The following ZBTB20 variants were observed in gnomAD, a reference collection of about 807,000 sequenced individuals.
ZBTB20 encodes zinc finger and BTB domain-containing protein 20.
Under a neutral mutation model 56.9 loss-of-function variants are expected in ZBTB20, and 9 were observed. That is an observed-to-expected ratio of 0.16 (90% CI 0.10 to 0.28). The LOEUF (loss-of-function observed/expected upper bound fraction) is 0.28, where lower values mean the gene tolerates loss of function less well. Ranked by LOEUF, ZBTB20 falls within the 10% of genes least tolerant of loss-of-function variation. The probability of loss-of-function intolerance (pLI) is 1.00; values close to 1 mark genes in which losing one functional copy is unlikely to be tolerated. For synonymous variants in ZBTB20, 417 were observed against 420.7 expected, an observed-to-expected ratio of 0.99 and a Z score of 0.11; for missense variants, 655 against 1,003.0, an observed-to-expected ratio of 0.65 and a Z score of 4.69.
chr3:114,860,112 T>A (rs2075448872), intron 4 of ZBTB20, among the ~76,000 whole-genome samples: 1 of 151,992 alleles, frequency 6.6e-6, no homozygotes, highest in Non-Finnish European at 1.5e-5. Flanking sequence ...ATCAAGACCA[T>A]CCTGGCCAAC....
At chr3:114,545,829 G>A (rs534564828) in intron 6 of ZBTB20, among the ~76,000 whole-genome samples, 21 of 152,126 alleles carry the variant, frequency 1.4e-4, no homozygotes, top group Non-Finnish European at 2.6e-4. Flanking sequence ...CAGAGACAGA[G>A]TCCTTTTGGA....
At chr3:114,770,659 T>TA (rs1237292967) in intron 5 of ZBTB20, among the ~76,000 whole-genome samples, 2 of 152,220 alleles carry the variant, frequency 1.3e-5, no homozygotes, top group African/African-American at 4.8e-5. Flanking sequence ...TTCTTATCTG[T>TA]ATGTTACCTT....
At chr3:114,631,893 C>T (rs529643987) in intron 6 of ZBTB20, among the ~76,000 whole-genome samples, 2 of 152,210 alleles carry the variant, frequency 1.3e-5, no homozygotes, top group South Asian at 2.1e-4. Flanking sequence ...CCTACTTTTG[C>T]CTAATTCCCT....
intron 7 of ZBTB20, among the ~76,000 whole-genome samples, chr3:114,422,533 C>T (rs2089279176): frequency 6.6e-6 from 1 of 152,074 alleles, no homozygotes; most frequent in African/African-American, 2.4e-5. Flanking sequence ...ACCCTGCACC[C>T]CCAATTGTAA....
At chr3:115,107,083 G>T (rs1232320619) in intron 1 of ZBTB20, among the ~76,000 whole-genome samples, 1 of 152,146 alleles carries the variant, frequency 6.6e-6, no homozygotes. Context: ...AACAAAAATA[G>T]AAAAAGTAAT....
chr3:114,893,619 A>G (rs2076900566), intron 4 of ZBTB20, among the ~76,000 whole-genome samples: 2 of 152,124 alleles, frequency 1.3e-5, no homozygotes. Flanking sequence ...AATGTTCCCA[A>G]TTTTGTGACT....
At chr3:114,445,158 T>G (rs1315374869) in intron 7 of ZBTB20, among the ~76,000 whole-genome samples, 1 of 152,202 alleles carries the variant, frequency 6.6e-6, no homozygotes, top group Non-Finnish European at 1.5e-5. Flanking sequence ...TAAGCAGATG[T>G]GCATAACAGC....
chr3:114,510,468 G>A (rs74816704), intron 6 of ZBTB20, among the ~76,000 whole-genome samples: 1 of 151,342 alleles, frequency 6.6e-6, no homozygotes, highest in Non-Finnish European at 1.5e-5. Flanking sequence ...CACCCACAAC[G>A]CCACAGAGCT....
Position 114,470,095 on chromosome 3 carries a change from G to A in ZBTB20, c.-255+30257C>T, listed in dbSNP as rs80157133. 8.9e-3 allele frequency among the ~76,000 whole-genome samples: 1,354 copies of A among 152,116 alleles called. 53 individuals carry two copies. The highest frequency in any genetic ancestry group is 0.067 in the East Asian group (348 of 5,166). ...TAAGCATTAAAGATATAGAAAAAGG[G>A]AGTCTCTTTTTAGTGAGATTTCACT... On this transcript the variant is annotated intron_variant, in intron 7 of 11. Transcript: ENST00000675478.
At chr3:114,499,594 G>A (rs1401240148) in intron 7 of ZBTB20, among the ~76,000 whole-genome samples, 2 of 152,178 alleles carry the variant, frequency 1.3e-5, no homozygotes, top group African/African-American at 2.4e-5. Flanking sequence ...TCTCTTATAA[G>A]TGACTTTGAT....
At chr3:114,996,114 C>A (rs1353957628) in intron 2 of ZBTB20, among the ~76,000 whole-genome samples, 1 of 151,806 alleles carries the variant, frequency 6.6e-6, no homozygotes, top group Non-Finnish European at 1.5e-5. Flanking sequence ...CTGGCCAGAT[C>A]ATGGCACATG....
intron 2 of ZBTB20, among the ~76,000 whole-genome samples, chr3:115,007,499 T>C (rs1372755614): frequency 6.6e-6 from 1 of 151,870 alleles, no homozygotes; most frequent in Non-Finnish European, 1.5e-5. Context: ...TGTGTTCTAT[T>C]ACTTATCCCT....
At chr3:114,591,094 TA>T (rs955524008) in intron 6 of ZBTB20, among the ~76,000 whole-genome samples, 7 of 152,176 alleles carry the variant, frequency 4.6e-5, no homozygotes, top group Non-Finnish European at 7.4e-5. Flanking sequence ...TTTTCCAAGA[TA>T]AAAAAAGTCA....
chr3:114,741,069 A>C (rs986086492), intron 5 of ZBTB20, among the ~76,000 whole-genome samples: 3 of 152,120 alleles, frequency 2.0e-5, no homozygotes, highest in Non-Finnish European at 4.4e-5. Context: ...CTGTTTCCCT[A>C]TTTCCTACGG....
intron 6 of ZBTB20, among the ~76,000 whole-genome samples, chr3:114,565,996 C>T (rs2052682542): frequency 6.8e-6 from 1 of 147,770 alleles, no homozygotes; most frequent in African/African-American, 2.6e-5. Context: ...ACAATACATA[C>T]ATTTTTTCTT....
intron 6 of ZBTB20, among the ~76,000 whole-genome samples, chr3:114,606,538 A>G (rs2947483): frequency 0.85 from 128,803 of 152,110 alleles, 54,806 homozygotes; most frequent in East Asian, 0.98. Context: ...CTAAAATGGA[A>G]GAGAAAAGGA....
intron 5 of ZBTB20, among the ~76,000 whole-genome samples, chr3:114,775,868 G>C (rs1560235928): frequency 1.3e-5 from 2 of 152,022 alleles, no homozygotes; most frequent in African/African-American, 4.8e-5. Flanking sequence ...GGTCTGTTCA[G>C]GTACAGTGTC....
chr3:114,602,219 G>A (rs776235280), intron 6 of ZBTB20, among the ~76,000 whole-genome samples: 12 of 152,026 alleles, frequency 7.9e-5, no homozygotes, highest in Non-Finnish European at 1.3e-4. Flanking sequence ...GGCTGACACT[G>A]AGGCTGGCTG....
At chr3:114,850,505 A>AC (rs2107408360) in intron 4 of ZBTB20, among the ~76,000 whole-genome samples, 1 of 152,210 alleles carries the variant, frequency 6.6e-6, no homozygotes, top group South Asian at 2.1e-4. Context: ...CTTCATAACA[A>AC]CCTTTATTTT....
Sources: gnomAD v4.1 joint callset for allele counts (sites outside exome capture counted in the v4.1 genomes callset) on GRCh38, gnomAD v4.1.1 for gene constraint, MANE v1.5 for transcripts, NCBI Gene and HGNC (gene_info 2026-07-23, HGNC 2026-07-21) for gene names.